IQCJ: variants seen among roughly 807,000 people sequenced by gnomAD.
The protein encoded by IQCJ is IQ domain-containing protein J.
A neutral mutation model predicts 11.0 loss-of-function variants in IQCJ; 9 were observed. That is an observed-to-expected ratio of 0.82 (90% CI 0.49 to 1.43). The LOEUF (loss-of-function observed/expected upper bound fraction) is 1.43, where lower values mean the gene tolerates loss of function less well. IQCJ is among the 40% of genes most tolerant of loss of function. IQCJ has a pLI of 0.00. For missense variants in IQCJ, 146 were observed against 133.2 expected, an observed-to-expected ratio of 1.10 and a Z score of -0.47; for synonymous variants, 55 against 51.3, an observed-to-expected ratio of 1.07 and a Z score of -0.31.
At chr3:159,217,491 C>T (rs1725298042) in intron 1 of IQCJ, among the ~76,000 whole-genome samples, 2 of 152,100 alleles carry the variant, frequency 1.3e-5, no homozygotes, top group African/African-American at 4.8e-5. Context: ...TGTTGATTCC[C>T]ACTCAATCTT....
chr3:159,083,070 C>T (rs1178028351), intron 1 of IQCJ, among the ~76,000 whole-genome samples: 1 of 152,104 alleles, frequency 6.6e-6, no homozygotes, highest in Admixed American at 6.6e-5. Context: ...TTAAACTTGT[C>T]ACCAAAAGCA....
At chr3:159,126,527 C>G (rs572860930) in intron 1 of IQCJ, among the ~76,000 whole-genome samples, 22 of 152,240 alleles carry the variant, frequency 1.4e-4, no homozygotes, top group South Asian at 4.2e-4. Context: ...AAGGAACAGG[C>G]TATGTTTAAT....
chr3:159,251,357 C>G (rs1216446555), intron 2 of IQCJ, among the ~76,000 whole-genome samples: 1 of 151,818 alleles, frequency 6.6e-6, no homozygotes, highest in East Asian at 1.9e-4. Flanking sequence ...ATGTCACTCT[C>G]CTTGCTCACT....
chr3:159,229,408 A>G (rs1014292114), intron 1 of IQCJ, among the ~76,000 whole-genome samples: 17 of 152,058 alleles, frequency 1.1e-4, no homozygotes, highest in Non-Finnish European at 2.4e-4. Context: ...CAGTTTTTGC[A>G]TAGAAATAGT....
At chr3:159,192,133 G>A (rs1723725207) in intron 1 of IQCJ, among the ~76,000 whole-genome samples, 3 of 152,188 alleles carry the variant, frequency 2.0e-5, no homozygotes, top group Non-Finnish European at 4.4e-5. Context: ...AGACTTTGCT[G>A]TCCAAGGTGA....
chr3:159,154,390 T>TA (rs1721398093), intron 1 of IQCJ, among the ~76,000 whole-genome samples: 1 of 152,244 alleles, frequency 6.6e-6, no homozygotes, highest in Non-Finnish European at 1.5e-5. Context: ...TGCACATTGA[T>TA]AAGTTTTTAT....
chr3:159,196,564 G>A (rs1723994792), intron 1 of IQCJ, among the ~76,000 whole-genome samples: 1 of 152,136 alleles, frequency 6.6e-6, no homozygotes, highest in South Asian at 2.1e-4. Context: ...CTGATGTTCT[G>A]GGCCCCATCT....
rs755290760 is a variant in IQCJ, at chr3:159,251,709, G to A, written c.75-1018G>A. On this transcript the variant is annotated intron_variant, in intron 2 of 3. Transcript: ENST00000397832. Reference sequence around the variant, plus strand: ...ATTACCTATGAAAACTTCAGTCAGTGGGATTAAGTTTAATAATCCTGATAT... The same window carrying A: ...ATTACCTATGAAAACTTCAGTCAGTAGGATTAAGTTTAATAATCCTGATAT... Among the ~76,000 whole-genome samples the A allele has an allele frequency of 7.4e-4, 113 of 152,138 alleles. 1 individual carries two copies. The highest frequency in any genetic ancestry group is 1.2e-3 in the Non-Finnish European group (85 of 68,010).
At chr3:159,103,196 C>T (rs535409891) in intron 1 of IQCJ, among the ~76,000 whole-genome samples, 7 of 152,206 alleles carry the variant, frequency 4.6e-5, no homozygotes, top group South Asian at 2.1e-4. Flanking sequence ...TTAGTATAAA[C>T]GTAATGTTTA....
chr3:159,192,206 G>T lies in IQCJ; in HGVS notation c.10-53637G>T, dbSNP rs567402166. Among the ~76,000 whole-genome samples, 5 of 152,214 alleles carry T rather than the reference G, an allele frequency of 3.3e-5. No homozygotes were observed. In the South Asian group the frequency reaches 8.3e-4, roughly 25 times the overall value. On this transcript the variant is annotated intron_variant, in intron 1 of 3. Transcript: ENST00000397832. ...GGCTTCTTTAGGCATACTCTCCCTGGCATCTCTCTCTGTTTAAATGTTATT... is the reference window on the plus strand; with the variant it reads ...GGCTTCTTTAGGCATACTCTCCCTGTCATCTCTCTCTGTTTAAATGTTATT...
chr3:159,257,452 G>A (rs1727958674), intron 3 of IQCJ, among the ~76,000 whole-genome samples: 1 of 152,154 alleles, frequency 6.6e-6, no homozygotes, highest in Admixed American at 6.5e-5. Context: ...AAAGTTATGG[G>A]TATTTGAGAA....
At chr3:159,234,317 T>C (rs1329155821) in intron 1 of IQCJ, among the ~76,000 whole-genome samples, 1 of 152,158 alleles carries the variant, frequency 6.6e-6, no homozygotes, top group Non-Finnish European at 1.5e-5. Context: ...ATAAAAATAG[T>C]TCAAAGAAAT....
chr3:159,083,078 G>A (rs1177771621), intron 1 of IQCJ, among the ~76,000 whole-genome samples: 3 of 152,170 alleles, frequency 2.0e-5, no homozygotes, highest in Non-Finnish European at 2.9e-5. Context: ...GTCACCAAAA[G>A]CACTATTCAT....
chr3:159,088,224 C>T (rs1046536354), intron 1 of IQCJ, among the ~76,000 whole-genome samples: 26 of 152,024 alleles, frequency 1.7e-4, no homozygotes, highest in Admixed American at 8.5e-4. Flanking sequence ...TGTAGTTGAG[C>T]GGTTTTGAGT....
At chr3:159,188,469 A>G (rs1341750961) in intron 1 of IQCJ, among the ~76,000 whole-genome samples, 1 of 152,196 alleles carries the variant, frequency 6.6e-6, no homozygotes, top group African/African-American at 2.4e-5. Flanking sequence ...ATTTTTAAGA[A>G]CAGCTTTAGA....
chr3:159,089,841 T>C (rs1209971802), intron 1 of IQCJ, among the ~76,000 whole-genome samples: 1 of 151,700 alleles, frequency 6.6e-6, no homozygotes, highest in Non-Finnish European at 1.5e-5. Context: ...TTCAAAGTTT[T>C]CAACTTCTTT....
At chr3:159,141,875 TATG>T (rs1374232158) in intron 1 of IQCJ, among the ~76,000 whole-genome samples, 1 of 152,256 alleles carries the variant, frequency 6.6e-6, no homozygotes, top group Non-Finnish European at 1.5e-5. Context: ...ACAAATTATT[TATG>T]ATAACATATT....
intron 1 of IQCJ, among the ~76,000 whole-genome samples, chr3:159,166,144 T>A (rs973630948): frequency 2.0e-5 from 3 of 148,450 alleles, no homozygotes; most frequent in African/African-American, 7.4e-5. Context: ...TTCCACTGTT[T>A]AAAAAAAAAA....
intron 1 of IQCJ, among the ~76,000 whole-genome samples, chr3:159,134,926 T>C (rs1027738763): frequency 6.6e-6 from 1 of 152,230 alleles, no homozygotes; most frequent in Non-Finnish European, 1.5e-5. Flanking sequence ...AGAATTACGG[T>C]AATTTTAGTC....
Sources: gnomAD v4.1 joint callset for allele counts (sites outside exome capture counted in the v4.1 genomes callset) on GRCh38, gnomAD v4.1.1 for gene constraint, MANE v1.5 for transcripts, NCBI Gene and HGNC (gene_info 2026-07-23, HGNC 2026-07-21) for gene names.